The following PLEKHA7 variants were observed in gnomAD, a reference collection of about 807,000 sequenced individuals.
PLEKHA7 encodes pleckstrin homology domain containing A7.
Under a neutral mutation model 170.0 loss-of-function variants are expected in PLEKHA7, and 104 were observed. That is an observed-to-expected ratio of 0.61 (90% CI 0.52 to 0.72). PLEKHA7 has a LOEUF of 0.72. Among genes scored for constraint, PLEKHA7 ranks in the 30% least tolerant of loss-of-function variants. The pLI, the probability that PLEKHA7 is intolerant of heterozygous loss-of-function variation, is 0.00. For missense variants in PLEKHA7, 1,615 were observed against 1,671.7 expected (o/e 0.97, Z 0.59); for synonymous variants, 648 against 660.8 (o/e 0.98, Z 0.30).
intron 4 of PLEKHA7, 35 bp from the exon 5 acceptor site, chr11:16,855,949 C>A: frequency 6.5e-7 from 1 of 1,547,264 alleles, no homozygotes; most frequent in South Asian, 1.1e-5. Flanking sequence ...TGAGTAAAAG[C>A]CGAGCTATAG....
At chr11:16,963,064 TGGCCTTCC>T (rs1862162739) in intron 3 of PLEKHA7, among the ~76,000 whole-genome samples, 1 of 152,168 alleles carries the variant, frequency 6.6e-6, no homozygotes, top group Non-Finnish European at 1.5e-5. Flanking sequence ...GTAGATGAGG[TGGCCTTCC>T]ACTCCTTGAC....
Position 16,783,713 on chromosome 11 carries a change from G to A in PLEKHA7, c.3637C>T (p.Leu1213Phe). 6.8e-7 allele frequency: 1 copy of A among 1,471,342 alleles called. No individual in the cohort carries two copies. Among genetic ancestry groups the A allele is most frequent in the Non-Finnish European group, 9.0e-7 (1 of 1,115,284 alleles). 91.1% of individuals were successfully genotyped at this position (1,471,342 alleles called of 1,614,324 possible). A position where few individuals can be genotyped will look rare whatever the true frequency, so the allele number is the denominator to read the frequency against. Residue 1213 changes from leucine to phenylalanine, a missense_variant, in exon 25 of 27, where the codon CTC becomes TTC. Physicochemically the swap from Leu to Phe is conservative, Grantham distance 22. Transcript: ENST00000531066. ...GCGAGGGCTGACCTTGACCGGGCGA[G>A]GATGTTGCGGATCTTCTCGGCTTTG... is the stretch of plus-strand genomic sequence containing the variant. ...YRKAEKIRNI[L>F]ARSSMCNLQP...
intron 3 of PLEKHA7, among the ~76,000 whole-genome samples, chr11:16,940,534 C>G (rs1029565332): frequency 6.6e-6 from 1 of 151,964 alleles, no homozygotes. Context: ...GTGATCCGCC[C>G]GCCTCAGCCT....
chr11:16,966,492 G>A (rs1862383115), intron 3 of PLEKHA7, among the ~76,000 whole-genome samples: 1 of 152,060 alleles, frequency 6.6e-6, no homozygotes, highest in Admixed American at 6.5e-5. Context: ...AGCCCACTAG[G>A]GTACTGGGAA....
chr11:16,954,355 A>AAAC (rs945823406), intron 3 of PLEKHA7, among the ~76,000 whole-genome samples: 8 of 151,844 alleles, frequency 5.3e-5, no homozygotes, highest in Admixed American at 2.0e-4. Flanking sequence ...ATCTCTACAA[A>AAAC]AACAACAACA....
intron 3 of PLEKHA7, among the ~76,000 whole-genome samples, chr11:16,880,255 A>G (rs771655339): frequency 6.6e-6 from 1 of 152,180 alleles, no homozygotes; most frequent in Non-Finnish European, 1.5e-5. Flanking sequence ...GGCCTGCAGG[A>G]AGCCCAGGCA....
At position 17,013,975 on chromosome 11, in the gene PLEKHA7, C is replaced by T. The variant is rs201638220; in HGVS notation, c.221+14G>A. 4.2e-3 allele frequency: 6,521 copies of T among 1,535,372 alleles called. 34 individuals are homozygous for T. Among genetic ancestry groups the T allele is most frequent in the Non-Finnish European group, 4.5e-3 (5,170 of 1,141,922 alleles). On this transcript the variant is annotated intron_variant, in intron 3 of 26. Transcript: ENST00000531066. ...CGCGGCACAGGTGCGAGCGCGGCGG[C>T]CCCACTCACTCACTCGATGAAGTAG...
chr11:16,791,672 G>C lies in PLEKHA7; in HGVS notation c.2746-473C>G. ...CACGAGCTCTGGCGCCTTCAGCAAG[G>C]TGGGGACCTGAACAAGGACAGAGTC... On this transcript the variant is annotated intron_variant, in intron 19 of 26. Transcript: ENST00000531066. The surrounding 1 kb of genome is among the most constrained non-coding windows in gnomAD (Gnocchi z 4.5). 6.5e-6 allele frequency: 3 copies of C among 459,008 alleles called. No homozygotes were observed. Among genetic ancestry groups the C allele is most frequent in the South Asian group, 4.6e-5 (3 of 64,590 alleles). 28.4% of individuals were successfully genotyped at this position (459,008 alleles called of 1,614,324 possible).
intron 3 of PLEKHA7, among the ~76,000 whole-genome samples, chr11:16,956,415 A>G (rs939951590): frequency 2.0e-5 from 3 of 152,210 alleles, no homozygotes; most frequent in African/African-American, 7.2e-5. Flanking sequence ...ACCCACTTAG[A>G]GTATGAACCA....
chr11:16,810,804 G>C (rs1169098467), intron 13 of PLEKHA7, among the ~76,000 whole-genome samples: 2 of 152,200 alleles, frequency 1.3e-5, no homozygotes, highest in Admixed American at 1.3e-4. Flanking sequence ...ACCATTTTAA[G>C]AGAGGATGTG....
intron 12 of PLEKHA7, among the ~76,000 whole-genome samples, chr11:16,814,086 G>A (rs918650054): frequency 2.0e-5 from 3 of 152,130 alleles, no homozygotes; most frequent in South Asian, 2.1e-4. Flanking sequence ...CAAACCACAC[G>A]AAGAGTTGAG....
In PLEKHA7 at chr11:16,840,085, A is replaced by G. The variant is rs1481129464; in HGVS notation, c.872+1462T>C. Among the ~76,000 whole-genome samples, 41 of 152,162 alleles carry G rather than the reference A, an allele frequency of 2.7e-4. 2 individuals are homozygous for G. The highest frequency in any genetic ancestry group is 2.7e-3 in the Admixed American group (41 of 15,270). ...ATAGAAAAATGCAGGCTGGATGACA[A>G]TGCTGGAAGTAGAGCCAAAATTGAC... On this transcript the variant is annotated intron_variant, in intron 9 of 26. Transcript: ENST00000531066.
At chr11:16,806,648 G>A (rs747976291) in intron 13 of PLEKHA7, among the ~76,000 whole-genome samples, 36 of 152,186 alleles carry the variant, frequency 2.4e-4, no homozygotes, top group Non-Finnish European at 4.9e-4. Flanking sequence ...ATCAAAGAGG[G>A]TATGGGCAGG....
At chr11:16,787,327 T>C (rs1490600101) in intron 23 of PLEKHA7, 1 of 727,654 alleles carries the variant, frequency 1.4e-6, no homozygotes, top group Non-Finnish European at 1.7e-6. Context: ...GTCCTGATTG[T>C]CTTTGATGCC....
intron 3 of PLEKHA7, among the ~76,000 whole-genome samples, chr11:17,003,813 C>T (rs563696499): frequency 2.8e-4 from 43 of 152,292 alleles, no homozygotes; most frequent in Middle Eastern, 6.8e-3. Context: ...AACCCTGCTG[C>T]CCAGGCCAGT....
At chr11:16,874,387 G>C (rs1185358784) in intron 3 of PLEKHA7, among the ~76,000 whole-genome samples, 1 of 152,066 alleles carries the variant, frequency 6.6e-6, no homozygotes, top group Non-Finnish European at 1.5e-5. Context: ...CGCACCTGTA[G>C]TCCCAGCTAC....
chr11:16,956,820 C>A (rs759263229), intron 3 of PLEKHA7, among the ~76,000 whole-genome samples: 6 of 152,130 alleles, frequency 3.9e-5, no homozygotes, highest in Non-Finnish European at 7.3e-5. Flanking sequence ...AGGTCTCTGG[C>A]GGTTATAATG....
At chr11:16,896,087 A>G (rs1370806294) in intron 3 of PLEKHA7, among the ~76,000 whole-genome samples, 1 of 152,138 alleles carries the variant, frequency 6.6e-6, no homozygotes, top group African/African-American at 2.4e-5. Context: ...CTGCCCTGCC[A>G]TGGTTATGAC....
intron 3 of PLEKHA7, chr11:17,012,987 C>T (rs1290938653): frequency 7.4e-6 from 1 of 134,654 alleles, no homozygotes; most frequent in Non-Finnish European, 1.6e-5. Context: ...GTAGTTCTGA[C>T]TCACAGTCGC....
Sources: gnomAD v4.1 joint callset for allele counts (sites outside exome capture counted in the v4.1 genomes callset) on GRCh38, gnomAD v4.1.1 for gene constraint, Gnocchi (gnomAD v3.1) non-coding constraint, MANE v1.5 for transcripts, NCBI Gene and HGNC (gene_info 2026-07-23, HGNC 2026-07-21) for gene names.